The following ARHGAP42 variants were observed in gnomAD, a reference collection of about 807,000 sequenced individuals.
ARHGAP42 encodes the protein rho GTPase-activating protein 42.
A neutral mutation model predicts 125.0 loss-of-function variants in ARHGAP42; 63 were observed. The ratio of observed to expected loss-of-function variants is 0.50; its 90% CI spans 0.41 to 0.62. The LOEUF (loss-of-function observed/expected upper bound fraction) is 0.62. ARHGAP42 is among the 20% of genes least tolerant of loss of function. ARHGAP42 has a pLI of 0.00. For synonymous variants in ARHGAP42, 339 were observed against 351.0 expected (o/e 0.97, Z 0.38); for missense variants, 766 against 1,024.2 (o/e 0.75, Z 3.44).
At chr11:100,810,731 A>C (rs1260339900) in intron 3 of ARHGAP42, among the ~76,000 whole-genome samples, 1 of 152,200 alleles carries the variant, frequency 6.6e-6, no homozygotes, top group Non-Finnish European at 1.5e-5. Context: ...ACAGAATACT[A>C]TGTAAGTGAT....
At chr11:100,869,405 C>CT (rs59868766) in intron 4 of ARHGAP42, among the ~76,000 whole-genome samples, 20,544 of 146,844 alleles carry the variant, frequency 0.14, 1,800 homozygotes, top group Non-Finnish European at 0.21. Context: ...AATCTTTCCT[C>CT]TTTTTTTTTT....
intron 2 of ARHGAP42, among the ~76,000 whole-genome samples, chr11:100,784,831 A>G (rs374966112): frequency 4.6e-5 from 7 of 152,204 alleles, no homozygotes; most frequent in Non-Finnish European, 8.8e-5. Flanking sequence ...CATTAGTTCT[A>G]TGACCTTGCA....
chr11:100,949,582 A>C (rs1461454848), intron 11 of ARHGAP42, among the ~76,000 whole-genome samples: 1 of 152,122 alleles, frequency 6.6e-6, no homozygotes, highest in African/African-American at 2.4e-5. Context: ...AAATTGGAAG[A>C]AGGAGCAATT....
intron 1 of ARHGAP42, among the ~76,000 whole-genome samples, chr11:100,723,491 T>C (rs1324309160): frequency 3.3e-5 from 5 of 152,182 alleles, no homozygotes; most frequent in African/African-American, 1.2e-4. Flanking sequence ...TTAGATATAT[T>C]TTGTTAGATT....
chr11:100,724,041 T>C (rs1337241301), intron 1 of ARHGAP42, among the ~76,000 whole-genome samples: 1 of 152,200 alleles, frequency 6.6e-6, no homozygotes, highest in African/African-American at 2.4e-5. Context: ...AACTTGTATA[T>C]ATTTATCTCA....
At chr11:100,966,356 A>G (rs905877073) in intron 17 of ARHGAP42, among the ~76,000 whole-genome samples, 7 of 152,170 alleles carry the variant, frequency 4.6e-5, no homozygotes, top group African/African-American at 1.7e-4. Context: ...ATATAAAGAG[A>G]TAGAGATTGG....
rs185719908 is a variant in ARHGAP42, at chr11:100,896,752, T to C, written c.385-16700T>C. 1.4e-3 allele frequency among the ~76,000 whole-genome samples: 209 copies of C among 152,356 alleles called. 6 individuals are homozygous for C. Among genetic ancestry groups the C allele is most frequent in the Admixed American group, 0.012 (189 of 15,302 alleles). On this transcript the variant is annotated intron_variant, in intron 4 of 23. Coordinates refer to ENST00000298815, the MANE Select transcript of ARHGAP42 (RefSeq NM_152432.4). ...TTCTAGATATTAGTCCTTTGTCAGA[T>C]GGGTAGATTGCAAAAATTTTCTTTC...
chr11:100,837,575 G>T (rs2135104970), intron 3 of ARHGAP42, among the ~76,000 whole-genome samples: 1 of 150,230 alleles, frequency 6.7e-6, no homozygotes, highest in East Asian at 2.0e-4. Flanking sequence ...ATACTATATG[G>T]ATAAGCATAA....
intron 1 of ARHGAP42, among the ~76,000 whole-genome samples, chr11:100,712,519 C>T (rs1861581229): frequency 6.6e-6 from 1 of 152,098 alleles, no homozygotes; most frequent in African/African-American, 2.4e-5. Flanking sequence ...ATTTTTCTTC[C>T]TCCCCCCTTC....
rs142366454 is a variant in ARHGAP42, at chr11:100,886,168, G to A, written c.384+26543G>A. ...CATAGCTATCTCTTTAGATTTCAAA[G>A]GATTCAAATGAAATTTCTACTGTAA... On this transcript the variant is annotated intron_variant, in intron 4 of 23. Coordinates refer to ENST00000298815, the MANE Select transcript of ARHGAP42 (RefSeq NM_152432.4). Among the ~76,000 whole-genome samples, 1,106 of 152,254 alleles carry A rather than the reference G, an allele frequency of 7.3e-3. 18 individuals are homozygous for A. Among genetic ancestry groups the A allele is most frequent in the African/African-American group, 0.025 (1,035 of 41,538 alleles).
intron 3 of ARHGAP42, chr11:100,816,773 T>C (rs893071032): frequency 4.6e-5 from 7 of 152,192 alleles, no homozygotes; most frequent in African/African-American, 1.4e-4. Context: ...AAAATGAGAA[T>C]AGCCTGACAT....
chr11:100,828,524 G>T (rs1342182070), intron 3 of ARHGAP42, among the ~76,000 whole-genome samples: 3 of 152,100 alleles, frequency 2.0e-5, no homozygotes, highest in African/African-American at 7.2e-5. Context: ...CCTGGTGGTG[G>T]TTTCAACCTG....
At chr11:100,932,222 C>T (rs1436435238) in intron 6 of ARHGAP42, among the ~76,000 whole-genome samples, 1 of 152,110 alleles carries the variant, frequency 6.6e-6, no homozygotes, top group Admixed American at 6.6e-5. Context: ...AAGGTGGCTG[C>T]GTGTTATTTA....
intron 1 of ARHGAP42, among the ~76,000 whole-genome samples, chr11:100,725,175 CT>C (rs556524299): frequency 0.011 from 1,599 of 141,466 alleles, 8 homozygotes; most frequent in Middle Eastern, 0.022. Flanking sequence ...AATATTTTTC[CT>C]TTTTTTTTTT....
At chr11:100,906,101 T>C (rs1373496556) in intron 4 of ARHGAP42, among the ~76,000 whole-genome samples, 1 of 152,218 alleles carries the variant, frequency 6.6e-6, no homozygotes, top group Non-Finnish European at 1.5e-5. Flanking sequence ...AAGATCATAT[T>C]ACCATGATTT....
chr11:100,835,330 G>A (rs373950002), intron 3 of ARHGAP42, among the ~76,000 whole-genome samples: 3 of 152,196 alleles, frequency 2.0e-5, no homozygotes, highest in Admixed American at 1.3e-4. Flanking sequence ...AGTTATACAT[G>A]CACGTCGTAA....
At position 100,973,176 on chromosome 11, in the gene ARHGAP42, G is replaced by A. The variant is rs754704064; in HGVS notation, c.1552G>A (p.Val518Ile). 4 of 1,525,272 alleles carry A rather than the reference G, an allele frequency of 2.6e-6. No individual in the cohort carries two copies. In the South Asian group the frequency reaches 3.8e-5, roughly 15 times the overall value. 94.5% of individuals were successfully genotyped at this position (1,525,272 alleles called of 1,614,324 possible). ...LDILIKHLVKVSLHSQQNLMT... is the reference protein window; with the variant it reads ...LDILIKHLVKISLHSQQNLMT... ...ATTTTTGTTGCTTTTTATTTGCAGA[G>A]TATCACTACACAGCCAACAAAATCT... The change falls in exon 18 of 24, where the codon GTA becomes ATA. Residue 518 changes from valine to isoleucine, a missense_variant and splice_region_variant. Val to Ile is a conservative substitution (Grantham distance 29, BLOSUM62 3). Coordinates refer to ENST00000298815, the MANE Select transcript of ARHGAP42 (RefSeq NM_152432.4).
At chr11:100,927,554 G>A (rs1867461486) in intron 6 of ARHGAP42, among the ~76,000 whole-genome samples, 1 of 152,164 alleles carries the variant, frequency 6.6e-6, no homozygotes, top group Admixed American at 6.5e-5. Context: ...TTTTGTAAAA[G>A]TAAGAAAACT....
At chr11:100,797,937 G>T (rs1565218369) in intron 3 of ARHGAP42, among the ~76,000 whole-genome samples, 1 of 152,178 alleles carries the variant, frequency 6.6e-6, no homozygotes, top group Non-Finnish European at 1.5e-5. Flanking sequence ...ACTGAAGTTT[G>T]GAAGAAGTTG....
Sources: allele counts gnomAD v4.1 joint callset (sites outside exome capture counted in the v4.1 genomes callset), GRCh38; gene constraint gnomAD v4.1.1; transcripts MANE v1.5; gene names NCBI Gene and HGNC (gene_info 2026-07-23, HGNC 2026-07-21).